Variants in SEPTIN9 observed in about 807,000 individuals in gnomAD.
SEPTIN9 encodes the protein septin 9.
SEPTIN9 carries 13 observed loss-of-function variants against 56.6 expected under a neutral mutation model. That is an observed-to-expected ratio of 0.23 (90% CI 0.15 to 0.37). SEPTIN9 has a LOEUF of 0.37. Ranked by LOEUF, SEPTIN9 falls within the 10% of genes least tolerant of loss-of-function variation. SEPTIN9 has a pLI of 1.00. For synonymous variants in SEPTIN9, 332 were observed against 334.1 expected (o/e 0.99, Z 0.07); for missense variants, 650 against 823.1 (o/e 0.79, Z 2.57).
intron 2 of SEPTIN9, among the ~76,000 whole-genome samples, chr17:77,312,075 C>A (rs1354920304): frequency 6.6e-6 from 1 of 152,196 alleles, no homozygotes; most frequent in Non-Finnish European, 1.5e-5. Context: ...TGCATACTGA[C>A]CCTTGGACAG....
chr17:77,477,052 G>A (rs144642312), intron 3 of SEPTIN9, among the ~76,000 whole-genome samples: 48 of 152,196 alleles, frequency 3.2e-4, no homozygotes, highest in Admixed American at 2.5e-3. Flanking sequence ...AGAAATGACT[G>A]CCTTCTTTCC....
At chr17:77,352,015 G>T (rs557920223) in intron 2 of SEPTIN9, among the ~76,000 whole-genome samples, 2 of 152,348 alleles carry the variant, frequency 1.3e-5, no homozygotes, top group South Asian at 4.1e-4. Flanking sequence ...TGCCGTGGGG[G>T]AGGGGCCCTT....
At position 77,449,778 on chromosome 17, in the gene SEPTIN9, A is replaced by T. The variant is rs1568077778; in HGVS notation, c.722-32366A>T. 6.6e-6 allele frequency among the ~76,000 whole-genome samples: 1 copy of T among 151,918 alleles called. No homozygotes were observed. Among genetic ancestry groups the T allele is most frequent in the Non-Finnish European group, 1.5e-5 (1 of 67,992 alleles). On this transcript the variant is annotated intron_variant, in intron 3 of 11. Transcript: ENST00000427177. This position sits in a 1 kb window ranked among gnomAD's most constrained non-coding sequence, Gnocchi z 4.6. The stretch of plus-strand genomic sequence containing the variant: ...GCTCTTCTCACTCCCAGTGCTGGGG[A>T]AATTAGCTTCTTGGAGGAAGGGGGA...
intron 2 of SEPTIN9, among the ~76,000 whole-genome samples, chr17:77,390,597 G>A (rs2035506733): frequency 6.6e-6 from 1 of 151,312 alleles, no homozygotes; most frequent in African/African-American, 2.4e-5. Context: ...GACTACAGGC[G>A]CCCGCCACCA....
rs1598186850 is a variant in SEPTIN9 at position 77,319,919 on chromosome 17, C to T, written c.76+12722C>T. The T allele has an allele frequency of 5.4e-6, 6 of 1,108,838 alleles. No homozygotes were observed. Among genetic ancestry groups the T allele is most frequent in the Non-Finnish European group, 6.6e-6 (6 of 906,934 alleles). 68.7% of individuals were successfully genotyped at this position (1,108,838 alleles called of 1,614,324 possible). A position where few individuals can be genotyped will look rare whatever the true frequency, so the allele number is the denominator to read the frequency against. ...GTGGAGAGAGGAGGCTGCCGGAAGC[C>T]GCACTCGGGACCTCTGCAGCCACCG... On this transcript the variant is annotated intron_variant, in intron 2 of 11. Coordinates refer to ENST00000427177, the MANE Select transcript of SEPTIN9 (RefSeq NM_001113491.2). The surrounding 1 kb of genome is among the most constrained non-coding windows in gnomAD (Gnocchi z 5.3).
intron 6 of SEPTIN9, 21 bp from the exon 7 acceptor site, chr17:77,488,706 T>C (rs777279991): frequency 6.2e-7 from 1 of 1,613,328 alleles, no homozygotes; most frequent in South Asian, 1.1e-5. Context: ...GCCTGCTGAC[T>C]CGTCCCCATC....
chr17:77,324,912 T>C (rs1007111614), intron 2 of SEPTIN9, among the ~76,000 whole-genome samples: 2 of 149,034 alleles, frequency 1.3e-5, no homozygotes, highest in African/African-American at 4.9e-5. Context: ...TCCGCCTCCC[T>C]GGTTCCAGCG....
intron 4 of SEPTIN9, among the ~76,000 whole-genome samples, chr17:77,485,004 G>T (rs148259437): frequency 2.0e-3 from 28 of 13,880 alleles, no homozygotes; most frequent in Non-Finnish European, 1.8e-3. Flanking sequence ...GTGGTGAAGG[G>T]GGTGATGGTG....
chr17:77,426,953 C>T (rs974150151), intron 3 of SEPTIN9: 35 of 152,188 alleles, frequency 2.3e-4, no homozygotes, highest in African/African-American at 8.0e-4. Flanking sequence ...ATCTGGTCTG[C>T]TTAGAATGTG....
chr17:77,348,579 C>A (rs1051488103), intron 2 of SEPTIN9, among the ~76,000 whole-genome samples: 2 of 152,084 alleles, frequency 1.3e-5, no homozygotes, highest in South Asian at 2.1e-4. Context: ...GGATTACAAG[C>A]GTGAGCCACT....
At chr17:77,363,337 A>C (rs1326546205) in intron 2 of SEPTIN9, among the ~76,000 whole-genome samples, 1 of 139,372 alleles carries the variant, frequency 7.2e-6, no homozygotes, top group Non-Finnish European at 1.5e-5. Flanking sequence ...GGCCACCCAG[A>C]GGTGGGAAGG....
At chr17:77,390,851 C>T (rs1335762030) in intron 2 of SEPTIN9, among the ~76,000 whole-genome samples, 1 of 152,142 alleles carries the variant, frequency 6.6e-6, no homozygotes, top group Non-Finnish European at 1.5e-5. Flanking sequence ...GTAGGGCGAC[C>T]GTATAACTTA....
At chr17:77,404,420 A>T (rs896498591) in intron 3 of SEPTIN9, among the ~76,000 whole-genome samples, 1 of 151,834 alleles carries the variant, frequency 6.6e-6, no homozygotes, top group Non-Finnish European at 1.5e-5. Flanking sequence ...TAATTTTTAA[A>T]TTTTTTTTGT....
chr17:77,400,311 C>T lies in SEPTIN9; in HGVS notation c.77-1748C>T, dbSNP rs951984633. On this transcript the variant is annotated intron_variant, in intron 2 of 11. Coordinates refer to ENST00000427177, the MANE Select transcript of SEPTIN9 (RefSeq NM_001113491.2). This position sits in a 1 kb window ranked among gnomAD's most constrained non-coding sequence, Gnocchi z 4.1. ...TGAACAGCTCTGGCCACGCCGGGCC[C>T]ATATCCTCTAGGGCAGTGACGGAGC... Among the ~76,000 whole-genome samples the T allele has an allele frequency of 3.3e-5, 5 of 152,214 alleles. No individual in the cohort carries two copies. The highest frequency in any genetic ancestry group is 2.9e-5 in the Non-Finnish European group (2 of 68,038).
chr17:77,385,324 T>A (rs2035298543), intron 2 of SEPTIN9, among the ~76,000 whole-genome samples: 1 of 152,000 alleles, frequency 6.6e-6, no homozygotes, highest in African/African-American at 2.4e-5. Context: ...TTTGTAGGAT[T>A]TGAGAATCCT....
chr17:77,465,938 A>T (rs1226001901), intron 3 of SEPTIN9, among the ~76,000 whole-genome samples: 1 of 151,972 alleles, frequency 6.6e-6, no homozygotes, highest in East Asian at 1.9e-4. Flanking sequence ...GCCAACTTCA[A>T]ACCAAGGGAG....
At chr17:77,316,055 G>A (rs34065485) in intron 2 of SEPTIN9, among the ~76,000 whole-genome samples, 36,286 of 152,166 alleles carry the variant, frequency 0.24, 4,645 homozygotes, top group Middle Eastern at 0.32. Flanking sequence ...AACCAAGCCC[G>A]GCTCCCTCAC....
At chr17:77,472,597 T>C (rs1441031384) in intron 3 of SEPTIN9, 1 of 152,232 alleles carries the variant, frequency 6.6e-6, no homozygotes, top group Non-Finnish European at 1.5e-5. Flanking sequence ...AGCCCCATAG[T>C]GGAAACCGGA....
rs1322802683 is a variant in SEPTIN9 at position 77,353,379 on chromosome 17, G to A, written c.76+46182G>A. Among the ~76,000 whole-genome samples, 7 of 152,194 alleles carry A rather than the reference G, an allele frequency of 4.6e-5. No individual in the cohort carries two copies. The East Asian group carries it at 1.3e-3, about 29-fold the overall frequency. ...AGCTAGTACCAGGTACCTGGAAGGTGCTAGCGAGTAGAGCTTGACTCTTTA... is the reference window on the plus strand; with the variant it reads ...AGCTAGTACCAGGTACCTGGAAGGTACTAGCGAGTAGAGCTTGACTCTTTA... On this transcript the variant is annotated intron_variant, in intron 2 of 11. Transcript: ENST00000427177.
Sources: gnomAD v4.1 joint callset for allele counts (sites outside exome capture counted in the v4.1 genomes callset) on GRCh38, gnomAD v4.1.1 for gene constraint, Gnocchi (gnomAD v3.1) non-coding constraint, MANE v1.5 for transcripts, NCBI Gene and HGNC (gene_info 2026-07-23, HGNC 2026-07-21) for gene names.